Variants in EFCAB8 observed in about 807,000 individuals in gnomAD.
EFCAB8 encodes the protein EF-hand calcium binding domain 8, also known as EF-hand calcium-binding domain-containing protein 8.
In EFCAB8, 100 loss-of-function variants were observed where a neutral mutation model predicts 116.3. The observed-to-expected ratio is 0.86, with a 90% CI of 0.73 to 1.02. EFCAB8 has a LOEUF of 1.02. EFCAB8 is among the 50% of genes least tolerant of loss of function. EFCAB8 has a pLI of 0.00. For synonymous variants in EFCAB8, 558 were observed against 567.9 expected (o/e 0.98, Z 0.25); for missense variants, 1,320 against 1,416.9 (o/e 0.93, Z 1.10).
intron 22 of EFCAB8, among the ~76,000 whole-genome samples, chr20:32,939,126 T>C (rs7508877): frequency 0.43 from 8,019 of 18,450 alleles, 794 homozygotes; most frequent in Middle Eastern, 0.58. Context: ...TCTTTCTTTC[T>C]CTTTCTTTCT....
intron 20 of EFCAB8, among the ~76,000 whole-genome samples, chr20:32,921,006 G>A (rs1419136091): frequency 2.6e-5 from 4 of 152,106 alleles, no homozygotes; most frequent in African/African-American, 9.7e-5. Context: ...ACCCCTCACT[G>A]TGATACTGAC....
At chr20:32,938,466 A>T (rs550906066) in intron 22 of EFCAB8, among the ~76,000 whole-genome samples, 2 of 150,082 alleles carry the variant, frequency 1.3e-5, no homozygotes, top group East Asian at 3.9e-4. Context: ...CAAGAAAATG[A>T]AATAAAAAGT....
At chr20:32,960,332 G>A (rs1426439216) in intron 26 of EFCAB8, among the ~76,000 whole-genome samples, 171 bp downstream of exon 26, 2 of 152,180 alleles carry the variant, frequency 1.3e-5, no homozygotes, top group Non-Finnish European at 2.9e-5. Flanking sequence ...GACTAATGTG[G>A]CCAGTTTGTT....
At chr20:32,949,922 C>A (rs561337496) in intron 23 of EFCAB8, among the ~76,000 whole-genome samples, 3 of 152,294 alleles carry the variant, frequency 2.0e-5, no homozygotes, top group Non-Finnish European at 4.4e-5. Context: ...ATCGCTTGAA[C>A]CTGGGAGGCG....
In EFCAB8 at chr20:32,918,595, A is replaced by G. The variant is rs750784527; in HGVS notation, c.2274+21A>G. On this transcript the variant is annotated intron_variant, in intron 19 of 26. Transcript: ENST00000400522. ...AGCAGGTGGGAGCGAGAGCCCAACC[A>G]GAAGGCTACCCTCACTCTCTAGCCG... is the stretch of plus-strand genomic sequence containing the variant. The G allele has an allele frequency of 7.1e-6, 11 of 1,549,740 alleles. 2 individuals carry two copies. The highest frequency in any genetic ancestry group is 1.7e-4 in the Middle Eastern group (1 of 5,864).
At chr20:32,904,292 CT>C (rs527882227) in intron 11 of EFCAB8, among the ~76,000 whole-genome samples, 118 of 146,874 alleles carry the variant, frequency 8.0e-4, no homozygotes, top group African/African-American at 2.9e-3. Context: ...TGTGTCTGGC[CT>C]GAATAGAGTC....
At chr20:32,949,986 C>A (rs1194634482) in intron 23 of EFCAB8, among the ~76,000 whole-genome samples, 1 of 140,964 alleles carries the variant, frequency 7.1e-6, no homozygotes, top group Non-Finnish European at 1.5e-5. Flanking sequence ...GGCAACAGAG[C>A]AAGACTCTGT....
At chr20:32,940,074 TTCCTTCCTTG>T (rs1988358550) in intron 22 of EFCAB8, among the ~76,000 whole-genome samples, 1 of 127,916 alleles carries the variant, frequency 7.8e-6, no homozygotes, top group African/African-American at 3.0e-5. Context: ...CCTTCCTTCC[TTCCTTCCTTG>T]CTTTTTGGAG....
chr20:32,931,817 A>G (rs1568937700), intron 22 of EFCAB8, among the ~76,000 whole-genome samples: 2 of 152,250 alleles, frequency 1.3e-5, no homozygotes, highest in South Asian at 2.1e-4. Context: ...TCAAATGCCC[A>G]TCACCGTAGA....
At chr20:32,893,925 C>G (rs901240065) in intron 9 of EFCAB8, among the ~76,000 whole-genome samples, 7 of 152,216 alleles carry the variant, frequency 4.6e-5, no homozygotes, top group African/African-American at 1.7e-4. Flanking sequence ...GTACACGCCC[C>G]TGCCTGGTGA....
chr20:32,956,959 ATTT>A (rs139915548), intron 23 of EFCAB8, among the ~76,000 whole-genome samples: 3 of 98,174 alleles, frequency 3.1e-5, no homozygotes, highest in African/African-American at 1.2e-4. Flanking sequence ...TTTTTTTTTC[ATTT>A]TTTTTCAATC....
intron 22 of EFCAB8, among the ~76,000 whole-genome samples, chr20:32,939,853 C>G (rs2146287573): frequency 6.7e-6 from 1 of 148,330 alleles, no homozygotes; most frequent in African/African-American, 2.5e-5. Flanking sequence ...CGCCACCATG[C>G]CTGGCTAATT....
intron 20 of EFCAB8, among the ~76,000 whole-genome samples, chr20:32,927,204 C>G (rs556096547): frequency 6.6e-6 from 1 of 152,210 alleles, no homozygotes; most frequent in South Asian, 2.1e-4. Flanking sequence ...CAAAAGTCAC[C>G]AGAACTTACC....
intron 22 of EFCAB8, among the ~76,000 whole-genome samples, chr20:32,931,586 G>C (rs1021571512): frequency 6.6e-6 from 1 of 152,034 alleles, no homozygotes; most frequent in African/African-American, 2.4e-5. Flanking sequence ...GTGAAACCCT[G>C]TCTCTACTAA....
chr20:32,870,197 G>A (rs935380316), intron 3 of EFCAB8, among the ~76,000 whole-genome samples: 10 of 152,204 alleles, frequency 6.6e-5, no homozygotes, highest in African/African-American at 2.4e-4. Context: ...TGTCTGGTCT[G>A]AAGATAGGGT....
intron 4 of EFCAB8, among the ~76,000 whole-genome samples, chr20:32,876,371 G>A (rs916632367): frequency 6.6e-6 from 1 of 152,206 alleles, no homozygotes; most frequent in African/African-American, 2.4e-5. Flanking sequence ...CTGGTACCAC[G>A]ACCATCTCAT....
At chr20:32,887,210 C>T (rs906681961) in intron 6 of EFCAB8, among the ~76,000 whole-genome samples, 3 of 152,216 alleles carry the variant, frequency 2.0e-5, no homozygotes, top group African/African-American at 7.2e-5. Flanking sequence ...CCTCCCTGCT[C>T]CTTCCTCCCA....
chr20:32,906,252 C>T (rs1986667624), intron 11 of EFCAB8, among the ~76,000 whole-genome samples: 4 of 152,182 alleles, frequency 2.6e-5, no homozygotes, highest in African/African-American at 9.6e-5. Context: ...AAATGCTTTA[C>T]AAATGTCAGG....
At chr20:32,946,017 C>A (rs999364018) in intron 23 of EFCAB8, among the ~76,000 whole-genome samples, 1 of 152,138 alleles carries the variant, frequency 6.6e-6, no homozygotes, top group African/African-American at 2.4e-5. Context: ...TCTTGGGTAC[C>A]CCTCAAAGGC....
Sources: allele counts gnomAD v4.1 joint callset (sites outside exome capture counted in the v4.1 genomes callset), GRCh38; gene constraint gnomAD v4.1.1; transcripts MANE v1.5; gene names NCBI Gene and HGNC (gene_info 2026-07-23, HGNC 2026-07-21).